Variants in ROBO1 observed in about 807,000 individuals in gnomAD.
ROBO1 encodes roundabout guidance receptor 1.
A neutral mutation model predicts 195.9 loss-of-function variants in ROBO1; 149 were observed. The observed-to-expected ratio is 0.76, with a 90% confidence interval of 0.67 to 0.87. The LOEUF (loss-of-function observed/expected upper bound fraction) is 0.87. Among genes scored for constraint, ROBO1 ranks in the 40% least tolerant of loss-of-function variants. The probability of loss-of-function intolerance (pLI) is 0.00; values close to 1 mark genes in which losing one functional copy is unlikely to be tolerated. For missense variants in ROBO1, 1,933 were observed against 2,068.3 expected, an observed-to-expected ratio of 0.93 and a Z score of 1.27; for synonymous variants, 816 against 733.2, an observed-to-expected ratio of 1.11 and a Z score of -1.82.
chr3:79,064,875 A>G (rs1477673804), intron 3 of ROBO1, among the ~76,000 whole-genome samples: 1 of 151,946 alleles, frequency 6.6e-6, no homozygotes, highest in Non-Finnish European at 1.5e-5. Context: ...TACATAAGGT[A>G]TTTCTCCACC....
intron 2 of ROBO1, among the ~76,000 whole-genome samples, chr3:79,535,855 T>C (rs1338300888): frequency 6.6e-6 from 1 of 152,074 alleles, no homozygotes; most frequent in Non-Finnish European, 1.5e-5. Context: ...CCATTCCTTT[T>C]ACCAATATGA....
intron 3 of ROBO1, among the ~76,000 whole-genome samples, chr3:79,045,641 T>C (rs1343790453): frequency 1.3e-5 from 2 of 152,136 alleles, no homozygotes; most frequent in African/African-American, 2.4e-5. Context: ...ATGTCACTTT[T>C]CAGCTATTGT....
intron 3 of ROBO1, among the ~76,000 whole-genome samples, chr3:78,986,602 T>TC (rs1188124015): frequency 6.6e-6 from 1 of 152,150 alleles, no homozygotes; most frequent in Non-Finnish European, 1.5e-5. Flanking sequence ...TGTTTCCTTC[T>TC]CCATCTGGTG....
chr3:78,679,804 C>T (rs1048575706), intron 10 of ROBO1, among the ~76,000 whole-genome samples: 11 of 152,132 alleles, frequency 7.2e-5, no homozygotes, highest in Non-Finnish European at 1.6e-4. Context: ...CTACCAATGA[C>T]TTTCCTCACA....
intron 5 of ROBO1, among the ~76,000 whole-genome samples, chr3:78,738,060 G>T (rs2082433545): frequency 6.6e-6 from 1 of 152,134 alleles, no homozygotes; most frequent in Non-Finnish European, 1.5e-5. Flanking sequence ...AACAATGAAA[G>T]AAATTGGAAG....
chr3:78,813,956 A>G (rs1174833118), intron 4 of ROBO1, among the ~76,000 whole-genome samples: 1 of 151,954 alleles, frequency 6.6e-6, no homozygotes, highest in East Asian at 1.9e-4. Context: ...TCACTCAGGT[A>G]AATGTTCTGC....
chr3:79,149,513 T>TTTGTTG (rs4068910), intron 2 of ROBO1, among the ~76,000 whole-genome samples: 2,551 of 149,224 alleles, frequency 0.017, 35 homozygotes, highest in Non-Finnish European at 0.025. Context: ...TCGAACTGTG[T>TTTGTTG]TTGTTGTTGT....
chr3:78,821,435 A>G (rs2030929981), intron 4 of ROBO1, among the ~76,000 whole-genome samples: 1 of 152,110 alleles, frequency 6.6e-6, no homozygotes, highest in Admixed American at 6.5e-5. Flanking sequence ...AAGTGCTAGG[A>G]TTACAGGCAT....
At chr3:79,179,355 G>A (rs2081304643) in intron 2 of ROBO1, among the ~76,000 whole-genome samples, 1 of 152,052 alleles carries the variant, frequency 6.6e-6, no homozygotes, top group African/African-American at 2.4e-5. Flanking sequence ...AAAACTGAGT[G>A]GATTTCAATT....
At chr3:79,676,662 A>G (rs148736684) in intron 1 of ROBO1, among the ~76,000 whole-genome samples, 22 of 152,214 alleles carry the variant, frequency 1.4e-4, no homozygotes, top group African/African-American at 5.1e-4. Context: ...AGCTAGAGAA[A>G]GTCTCTAGAC....
chr3:79,707,705 C>T (rs1000938232), intron 1 of ROBO1, among the ~76,000 whole-genome samples: 1 of 152,028 alleles, frequency 6.6e-6, no homozygotes, highest in South Asian at 2.1e-4. Context: ...AGATGGGGTT[C>T]CACCATGTTA....
intron 2 of ROBO1, among the ~76,000 whole-genome samples, chr3:79,333,977 G>T (rs2109187502): frequency 6.6e-6 from 1 of 152,136 alleles, no homozygotes; most frequent in African/African-American, 2.4e-5. Context: ...TAAGGTCTTT[G>T]CTCAGAGAGG....
intron 3 of ROBO1, among the ~76,000 whole-genome samples, chr3:79,026,360 C>T (rs986948174): frequency 6.6e-6 from 1 of 151,984 alleles, no homozygotes; most frequent in Non-Finnish European, 1.5e-5. Context: ...ATAATTTTTA[C>T]AGATTCAGTT....
At chr3:78,953,636 A>C (rs2040899683) in intron 3 of ROBO1, among the ~76,000 whole-genome samples, 1 of 152,044 alleles carries the variant, frequency 6.6e-6, no homozygotes, top group Admixed American at 6.6e-5. Flanking sequence ...AGGAAGAAAC[A>C]GCGTGAGGGT....
chr3:78,915,090 T>C (rs2038476661), intron 4 of ROBO1, among the ~76,000 whole-genome samples: 1 of 152,100 alleles, frequency 6.6e-6, no homozygotes, highest in Non-Finnish European at 1.5e-5. Context: ...TTATTCCGCA[T>C]GTGGCATGAT....
intron 2 of ROBO1, among the ~76,000 whole-genome samples, chr3:79,467,641 G>A (rs1376429871): frequency 6.6e-6 from 1 of 151,976 alleles, no homozygotes; most frequent in Non-Finnish European, 1.5e-5. Context: ...CCATCCCACT[G>A]AGAGCCAACT....
intron 2 of ROBO1, among the ~76,000 whole-genome samples, chr3:79,487,536 C>T (rs1324223442): frequency 6.6e-6 from 1 of 152,062 alleles, no homozygotes; most frequent in Non-Finnish European, 1.5e-5. Flanking sequence ...TTATAAAGCC[C>T]CTTTATTCTA....
chr3:79,493,448 T>TA (rs1434148318), intron 2 of ROBO1, among the ~76,000 whole-genome samples: 2 of 152,032 alleles, frequency 1.3e-5, no homozygotes, highest in Non-Finnish European at 2.9e-5. Context: ...TTTATGCTGT[T>TA]AGACACTGTG....
chr3:78,712,038 A>C (rs866331778), intron 8 of ROBO1, among the ~76,000 whole-genome samples: 6,521 of 139,826 alleles, frequency 0.047, 234 homozygotes, highest in Admixed American at 0.087. Context: ...AAAAAAAAAA[A>C]AAAAAAAAAA....
Sources: allele counts gnomAD v4.1 joint callset (sites outside exome capture counted in the v4.1 genomes callset), GRCh38; gene constraint gnomAD v4.1.1; transcripts MANE v1.5; gene names NCBI Gene and HGNC (gene_info 2026-07-23, HGNC 2026-07-21).